Variants in CNTN3 observed in about 807,000 individuals in gnomAD.
CNTN3 encodes contactin 3, also known as contactin-3.
In CNTN3, 60 loss-of-function variants were observed where a neutral mutation model predicts 119.1. That is an observed-to-expected ratio of 0.50 (90% CI 0.41 to 0.62). The LOEUF is 0.62. Ranked by LOEUF, CNTN3 falls within the 20% of genes least tolerant of loss-of-function variation. The pLI is 0.00. For synonymous variants in CNTN3, 450 were observed against 438.7 expected, an observed-to-expected ratio of 1.03 and a Z score of -0.32; for missense variants, 1,101 against 1,242.4, an observed-to-expected ratio of 0.89 and a Z score of 1.71.
At chr3:74,552,000 G>T (rs973356953) in intron 1 of CNTN3, among the ~76,000 whole-genome samples, 2 of 151,808 alleles carry the variant, frequency 1.3e-5, no homozygotes, top group Admixed American at 1.3e-4. Context: ...CTGACCTCAG[G>T]TGATCCACCC....
intron 4 of CNTN3, among the ~76,000 whole-genome samples, chr3:74,457,264 T>C (rs532612841): frequency 6.6e-6 from 1 of 152,008 alleles, no homozygotes; most frequent in Non-Finnish European, 1.5e-5. Context: ...TCTAATTTAC[T>C]CCTAATGGGA....
intron 4 of CNTN3, among the ~76,000 whole-genome samples, chr3:74,462,232 C>A (rs1702383600): frequency 6.6e-6 from 1 of 152,028 alleles, no homozygotes; most frequent in Admixed American, 6.6e-5. Flanking sequence ...TCCTGTACAG[C>A]CCACAGAACC....
chr3:74,493,892 G>A (rs972731546), intron 3 of CNTN3, among the ~76,000 whole-genome samples: 1 of 152,070 alleles, frequency 6.6e-6, no homozygotes, highest in Non-Finnish European at 1.5e-5. Flanking sequence ...TGTTTAAAAT[G>A]TGTTTTATGA....
Position 74,521,048 on chromosome 3 carries a change from T to G in CNTN3, c.55+10A>C, listed in dbSNP as rs1349200864. 6.4e-7 allele frequency: 1 copy of G among 1,569,974 alleles called. No individual in the cohort carries two copies. The highest frequency in any genetic ancestry group is 2.3e-5 in the East Asian group (1 of 42,904). On this transcript the variant is annotated intron_variant, in intron 2 of 22. Transcript: ENST00000263665. ...AACCTCAACTTAGAAAATATAGGAT[T>G]TTTTTTTACCTCCTAAGCAGCCAAT... is the stretch of plus-strand genomic sequence containing the variant.
chr3:74,391,557 C>CTTTTTTTTTTTTTTT (rs554976641), intron 5 of CNTN3, among the ~76,000 whole-genome samples: 16 of 87,024 alleles, frequency 1.8e-4, no homozygotes, highest in African/African-American at 7.5e-4. Context: ...CCCATAGTTT[C>CTTTTTTTTTTTTTTT]TTTTTTTTTT....
At chr3:74,299,834 AC>A (rs1257375121) in intron 17 of CNTN3, 33 bp downstream of exon 17, 1 of 1,570,558 alleles carries the variant, frequency 6.4e-7, no homozygotes, top group African/African-American at 1.4e-5. Context: ...GAACAGCAAG[AC>A]CCTGATGGGG....
chr3:74,471,454 A>T (rs1702565172), intron 4 of CNTN3, among the ~76,000 whole-genome samples: 1 of 152,200 alleles, frequency 6.6e-6, no homozygotes, highest in African/African-American at 2.4e-5. Context: ...CATGAACTCT[A>T]TAAACAAAAG....
Position 74,576,432 on chromosome 3 carries a change from CTA to C in CNTN3, c.-81+37957_-81+37958del, listed in dbSNP as rs572912844. ...GAACAACAGAAATTCATTCCCAAAA[CTA>C]GACTAGAGTACACACAATTTCTTGA... is the stretch of plus-strand genomic sequence containing the variant. On this transcript the variant is annotated intron_variant, in intron 1 of 22. Transcript: ENST00000263665. Among the ~76,000 whole-genome samples, 80 of 152,056 alleles carry C rather than the reference CTA, an allele frequency of 5.3e-4. 1 individual carries two copies. Among genetic ancestry groups the C allele is most frequent in the African/African-American group, 1.9e-3 (77 of 41,504 alleles).
At chr3:74,361,388 TG>T (rs1313355917) in intron 11 of CNTN3, among the ~76,000 whole-genome samples, 1 of 152,234 alleles carries the variant, frequency 6.6e-6, no homozygotes, top group Non-Finnish European at 1.5e-5. Flanking sequence ...CTCCAGAGTC[TG>T]TGCTTTTCAC....
chr3:74,567,728 G>A (rs1436107685), intron 1 of CNTN3, among the ~76,000 whole-genome samples: 2 of 152,106 alleles, frequency 1.3e-5, no homozygotes, highest in Non-Finnish European at 2.9e-5. Context: ...TTTTCAAGAT[G>A]CTCAGAATAG....
At chr3:74,416,367 C>A (rs1701520207) in intron 5 of CNTN3, among the ~76,000 whole-genome samples, 3 of 152,168 alleles carry the variant, frequency 2.0e-5, no homozygotes, top group Non-Finnish European at 4.4e-5. Flanking sequence ...AGGATAGGTT[C>A]TGTGATTATT....
chr3:74,310,136 T>C (rs1702647846), intron 13 of CNTN3, among the ~76,000 whole-genome samples: 1 of 152,204 alleles, frequency 6.6e-6, no homozygotes, highest in Non-Finnish European at 1.5e-5. Context: ...ATTATTTTTG[T>C]CTTACCTTTA....
At chr3:74,300,884 T>A (rs1702439847) in intron 16 of CNTN3, among the ~76,000 whole-genome samples, 1 of 152,224 alleles carries the variant, frequency 6.6e-6, no homozygotes, top group Non-Finnish European at 1.5e-5. Flanking sequence ...AGTCTTATGG[T>A]CTATGTGAAT....
chr3:74,282,345 G>A (rs973412490), intron 20 of CNTN3, among the ~76,000 whole-genome samples: 2 of 152,148 alleles, frequency 1.3e-5, no homozygotes, highest in African/African-American at 4.8e-5. Flanking sequence ...CATGAAACTT[G>A]CACATTTTAA....
intron 4 of CNTN3, among the ~76,000 whole-genome samples, chr3:74,425,549 G>A (rs769480081): frequency 1.1e-4 from 16 of 152,096 alleles, no homozygotes; most frequent in African/African-American, 1.2e-4. Flanking sequence ...AAGACAAAGC[G>A]TGTATCAGAA....
chr3:74,355,643 T>C (rs1252711549), intron 11 of CNTN3, among the ~76,000 whole-genome samples: 1 of 151,900 alleles, frequency 6.6e-6, no homozygotes, highest in Non-Finnish European at 1.5e-5. Flanking sequence ...TTAGTAGAGA[T>C]GGGGTTTCAC....
chr3:74,319,728 C>A (rs1272724989), intron 13 of CNTN3, among the ~76,000 whole-genome samples: 3 of 151,510 alleles, frequency 2.0e-5, no homozygotes, highest in South Asian at 2.1e-4. Context: ...AGTGAACAGG[C>A]ACCCTACAAA....
At chr3:74,544,249 A>G (rs761301673) in intron 1 of CNTN3, among the ~76,000 whole-genome samples, 1 of 152,220 alleles carries the variant, frequency 6.6e-6, no homozygotes, top group Non-Finnish European at 1.5e-5. Context: ...AAACCTTATG[A>G]TATAACAATG....
At chr3:74,302,060 C>T (rs533496001) in intron 14 of CNTN3, among the ~76,000 whole-genome samples, 1 of 152,304 alleles carries the variant, frequency 6.6e-6, no homozygotes, top group South Asian at 2.1e-4. Flanking sequence ...TCTCTGATTG[C>T]AGATGATATT....
Sources: gnomAD v4.1 joint callset for allele counts (sites outside exome capture counted in the v4.1 genomes callset) on GRCh38, gnomAD v4.1.1 for gene constraint, MANE v1.5 for transcripts, NCBI Gene and HGNC (gene_info 2026-07-23, HGNC 2026-07-21) for gene names.